Variants in ZSCAN2 observed in about 807,000 individuals in gnomAD.
The protein encoded by ZSCAN2 is zinc finger and SCAN domain containing 2.
Under a neutral mutation model 47.8 loss-of-function variants are expected in ZSCAN2, and 26 were observed. That is an observed-to-expected ratio of 0.54 (90% CI 0.40 to 0.75). The LOEUF (loss-of-function observed/expected upper bound fraction) is 0.75, where lower values mean the gene tolerates loss of function less well. ZSCAN2 is among the 30% of genes least tolerant of loss of function. ZSCAN2 has a pLI of 0.00. For missense variants in ZSCAN2, 732 were observed against 785.4 expected (o/e 0.93, Z 0.81); for synonymous variants, 305 against 288.7 (o/e 1.06, Z -0.57).
At chr15:84,605,024 C>A (rs1895339652) in intron 2 of ZSCAN2, among the ~76,000 whole-genome samples, 1 of 152,168 alleles carries the variant, frequency 6.6e-6, no homozygotes, top group South Asian at 2.1e-4. Flanking sequence ...GCGTGAGTCA[C>A]CACGCCTGGC....
intron 1 of ZSCAN2, 123 bp downstream of exon 1, chr15:84,601,258 C>G (rs900159902): frequency 2.6e-5 from 4 of 152,266 alleles, no homozygotes; most frequent in African/African-American, 7.2e-5. Context: ...GGGTCGCGCT[C>G]CGTATCCTGC....
intron 2 of ZSCAN2, among the ~76,000 whole-genome samples, chr15:84,608,736 G>A (rs1895458346): frequency 6.6e-6 from 1 of 152,182 alleles, no homozygotes. Context: ...GTATGGCCTG[G>A]GCAAGGGAGT....
In ZSCAN2 at chr15:84,621,472, G is replaced by A; in HGVS notation, c.1277G>A (p.Ser426Asn). The change falls in exon 3 of 3, where the codon AGC (serine) becomes AAC (asparagine). Residue 426 changes from serine (S) to asparagine (N), a missense_variant. By Grantham distance (46) the Ser-to-Asn change is conservative. Around this residue, in one of 2 missense-constraint regions of ZSCAN2, gnomAD observed 412 missense variants for 498.0 expected, o/e 0.83. Transcript: ENST00000546148. The surrounding 1 kb of genome is among the most constrained non-coding windows in gnomAD (Gnocchi z 5.7). ...KPYQCSECGKSFSRSSNLATH... is the reference protein window; with the variant it reads ...KPYQCSECGKNFSRSSNLATH... ...TACCAGTGCAGCGAGTGTGGGAAAA[G>A]CTTCAGCCGCAGCTCTAACCTGGCC... 6.2e-7 allele frequency: 1 copy of A among 1,614,142 alleles called. No homozygotes were observed. The highest frequency in any genetic ancestry group is 8.5e-7 in the Non-Finnish European group (1 of 1,180,030).
At chr15:84,609,848 A>G (rs928308831) in intron 2 of ZSCAN2, among the ~76,000 whole-genome samples, 2 of 152,220 alleles carry the variant, frequency 1.3e-5, no homozygotes, top group Non-Finnish European at 2.9e-5. Flanking sequence ...ACACACACCA[A>G]AGCACCAAAG....
chr15:84,606,161 G>A (rs541023360), intron 2 of ZSCAN2, among the ~76,000 whole-genome samples: 13 of 152,328 alleles, frequency 8.5e-5, no homozygotes, highest in Admixed American at 5.9e-4. Flanking sequence ...GGAAACTGAA[G>A]GGGATTTGGG....
chr15:84,602,864 C>T (rs1183391333), intron 1 of ZSCAN2, among the ~76,000 whole-genome samples: 1 of 152,152 alleles, frequency 6.6e-6, no homozygotes, highest in Non-Finnish European at 1.5e-5. Flanking sequence ...GCTGGGATTA[C>T]AGGCAACCAC....
intron 1 of ZSCAN2, 115 bp from the exon 2 acceptor site, chr15:84,603,705 C>T (rs1468956990): frequency 2.5e-5 from 12 of 477,924 alleles, no homozygotes; most frequent in African/African-American, 1.4e-4. Context: ...GAACAGGAAA[C>T]GTCTGTTGGT....
At chr15:84,619,245 C>A (rs1257675170) in intron 2 of ZSCAN2, among the ~76,000 whole-genome samples, 1 of 152,110 alleles carries the variant, frequency 6.6e-6, no homozygotes, top group African/African-American at 2.4e-5. Flanking sequence ...TCCTGGCTAA[C>A]ATGGTGAAAC....
At chr15:84,616,981 C>T (rs1895707393) in intron 2 of ZSCAN2, among the ~76,000 whole-genome samples, 1 of 151,964 alleles carries the variant, frequency 6.6e-6, no homozygotes, top group Non-Finnish European at 1.5e-5. Context: ...AATTAGCCAG[C>T]CATGGTGGCA....
chr15:84,620,804 C>G lies in ZSCAN2; in HGVS notation c.609C>G (p.Asp203Glu). Residue 203 changes from aspartate (D) to glutamate (E), a missense_variant, in exon 3 of 3, where the codon GAC becomes GAG. Around this residue, in one of 2 missense-constraint regions of ZSCAN2, gnomAD observed 320 missense variants for 287.4 expected, o/e 1.11. Coordinates refer to ENST00000546148, the MANE Select transcript of ZSCAN2 (RefSeq NM_181877.4). ...GEDHGEVVSQ[D>E]REVGQLIGLQ... ...ACCACGGGGAGGTGGTTTCTCAGGA[C>G]AGGGAAGTTGGCCAGCTCATAGGCC... 1 of 1,614,218 alleles carries G rather than the reference C, an allele frequency of 6.2e-7. No homozygotes were observed. The highest frequency in any genetic ancestry group is 1.3e-5 in the African/African-American group (1 of 75,042).
chr15:84,605,733 G>A (rs1321071783), intron 2 of ZSCAN2, among the ~76,000 whole-genome samples: 1 of 152,246 alleles, frequency 6.6e-6, no homozygotes, highest in African/African-American at 2.4e-5. Flanking sequence ...GGGCAGGAGA[G>A]CAGCCAGGAA....
intron 2 of ZSCAN2, among the ~76,000 whole-genome samples, chr15:84,610,089 T>C (rs938951522): frequency 2.0e-5 from 3 of 152,238 alleles, no homozygotes; most frequent in Admixed American, 6.5e-5. Context: ...TTGGCTGAGA[T>C]TGAGCTACGG....
At chr15:84,607,882 C>T (rs1000074877) in intron 2 of ZSCAN2, among the ~76,000 whole-genome samples, 2 of 152,180 alleles carry the variant, frequency 1.3e-5, no homozygotes, top group Middle Eastern at 3.4e-3. Context: ...TCTTTGAGTG[C>T]CCACCCGTGG....
chr15:84,621,438 G>T lies in ZSCAN2; in HGVS notation c.1243G>T (p.Glu415Ter). ...LITHRRTHTG[E>*]KPYQCSECGK... The stretch of plus-strand genomic sequence containing the variant: ...CACCCACCGGAGAACCCACACAGGA[G>T]AGAAACCCTACCAGTGCAGCGAGTG... Residue 415 changes from glutamate to a stop codon, truncating the protein, a stop_gained, in exon 3 of 3, where the codon GAG becomes TAG. Transcript: ENST00000546148. LOFTEE classifies it high-confidence loss of function. The surrounding 1 kb of genome is among the most constrained non-coding windows in gnomAD (Gnocchi z 5.7). The T allele has an allele frequency of 6.2e-7, 1 of 1,614,174 alleles. No individual in the cohort carries two copies. The highest frequency in any genetic ancestry group is 1.1e-5 in the South Asian group (1 of 91,076).
intron 2 of ZSCAN2, among the ~76,000 whole-genome samples, chr15:84,617,076 C>T (rs754501882): frequency 2.0e-5 from 3 of 151,580 alleles, no homozygotes; most frequent in South Asian, 2.1e-4. Flanking sequence ...GAGCCAGGAT[C>T]GCGCCACTGC....
At chr15:84,605,101 T>C (rs770345739) in intron 2 of ZSCAN2, among the ~76,000 whole-genome samples, 3 of 152,218 alleles carry the variant, frequency 2.0e-5, no homozygotes, top group Admixed American at 6.5e-5. Flanking sequence ...CTAGGGACTT[T>C]CTGTGGTATA....
intron 2 of ZSCAN2, among the ~76,000 whole-genome samples, chr15:84,618,392 T>C (rs1596036586): frequency 6.6e-6 from 1 of 152,290 alleles, no homozygotes; most frequent in Middle Eastern, 3.4e-3. Flanking sequence ...CAGTCCAGGC[T>C]GGGTGACCAA....
rs1895506083 is a variant in ZSCAN2 at position 84,610,296 on chromosome 15, GT to G, written c.406+5964del. On this transcript the variant is annotated intron_variant, in intron 2 of 2. Coordinates refer to ENST00000546148, the MANE Select transcript of ZSCAN2 (RefSeq NM_181877.4). ...TAGGTCCCAGATGGATTACAGATCT[GT>G]AATAGACAGGATCTGAAATGACATG... Among the ~76,000 whole-genome samples the G allele has an allele frequency of 1.2e-4, 18 of 152,296 alleles. No individual in the cohort carries two copies. In the South Asian group the frequency reaches 3.3e-3, roughly 28 times the overall value.
In ZSCAN2 at chr15:84,603,854, T is replaced by C. The variant is rs901054728; in HGVS notation, c.-74T>C. The C allele has an allele frequency of 6.6e-6, 10 of 1,516,606 alleles. No homozygotes were observed. In the African/African-American group the frequency reaches 1.4e-4, roughly 21 times the overall value. The allele number at this position is 1,516,606 out of a possible 1,614,324, so 93.9% of individuals were successfully genotyped here. On this transcript the variant is annotated 5_prime_UTR_variant, in exon 2 of 3. Transcript: ENST00000546148. ...TTGTTGATATTTGAGGAGGGAAGTG[T>C]CTTACCTGAGAGCCTGGCTGGAGAA...
Sources: allele counts gnomAD v4.1 joint callset (sites outside exome capture counted in the v4.1 genomes callset), GRCh38; gene constraint gnomAD v4.1.1; regional missense constraint gnomAD v4.1.1; non-coding constraint Gnocchi (gnomAD v3.1); transcripts MANE v1.5; gene names NCBI Gene and HGNC (gene_info 2026-07-23, HGNC 2026-07-21).